MEMO1: variants seen among roughly 807,000 people sequenced by gnomAD.
The protein encoded by MEMO1 is mediator of cell motility 1, also known as protein MEMO1.
A neutral mutation model predicts 45.2 loss-of-function variants in MEMO1; 6 were observed. That is an observed-to-expected ratio of 0.13 (90% CI 0.07 to 0.26). The LOEUF (loss-of-function observed/expected upper bound fraction) is 0.26. MEMO1 is among the 10% of genes least tolerant of loss of function. The pLI, the probability that MEMO1 is intolerant of heterozygous loss-of-function variation, is 1.00. For synonymous variants in MEMO1, 78 were observed against 124.3 expected (o/e 0.63, Z 2.48); for missense variants, 184 against 370.5 (o/e 0.50, Z 4.13).
intron 6 of MEMO1, among the ~76,000 whole-genome samples, chr2:31,907,777 C>T (rs1464116916): frequency 7.4e-6 from 1 of 134,282 alleles, no homozygotes; most frequent in East Asian, 2.1e-4. Context: ...GGAGCAAGAC[C>T]GTGTCTTAAA....
chr2:31,900,685 A>T (rs974378696), intron 6 of MEMO1, among the ~76,000 whole-genome samples: 16 of 144,172 alleles, frequency 1.1e-4, no homozygotes, highest in South Asian at 2.4e-4. Context: ...ACAATAATTT[A>T]AAAAAAAAAA....
At chr2:31,957,191 G>C (rs1413149714) in intron 2 of MEMO1, among the ~76,000 whole-genome samples, 1 of 150,298 alleles carries the variant, frequency 6.7e-6, no homozygotes. Context: ...ATCCTGAAAA[G>C]GGAACAAAGA....
rs1037036180 is a variant in MEMO1 at position 32,010,999 on chromosome 2, G to A, written c.-75C>T. 4 of 152,300 alleles carry A rather than the reference G, an allele frequency of 2.6e-5. No individual in the cohort carries two copies. Among genetic ancestry groups the A allele is most frequent in the African/African-American group, 7.2e-5 (3 of 41,462 alleles). 9.4% of individuals were successfully genotyped at this position (152,300 alleles called of 1,614,324 possible). ...TGCCCAGCACCGCTGCCTACCCGCC[G>A]AGGAATCTCAACGTGCACGCTCCGC... On this transcript the variant is annotated 5_prime_UTR_variant, in exon 1 of 10. Transcript: ENST00000404530.
At chr2:31,913,294 G>C (rs565238490) in intron 6 of MEMO1, among the ~76,000 whole-genome samples, 14 of 135,238 alleles carry the variant, frequency 1.0e-4, no homozygotes, top group Non-Finnish European at 1.9e-4. Context: ...TAATACCTTA[G>C]ACATCTATTT....
At chr2:31,874,083 AG>A (rs1159246234) in intron 8 of MEMO1, among the ~76,000 whole-genome samples, 1 of 152,162 alleles carries the variant, frequency 6.6e-6, no homozygotes, top group African/African-American at 2.4e-5. Context: ...TAAAAGAAAA[AG>A]AAGTTATAAC....
At chr2:31,905,148 C>T (rs945176808) in intron 6 of MEMO1, among the ~76,000 whole-genome samples, 2 of 152,022 alleles carry the variant, frequency 1.3e-5, no homozygotes, top group African/African-American at 2.4e-5. Flanking sequence ...GTGGGAGGAT[C>T]GCTTGAGCCT....
intron 2 of MEMO1, among the ~76,000 whole-genome samples, chr2:31,966,620 C>T (rs1668642028): frequency 1.3e-5 from 2 of 151,160 alleles, no homozygotes; most frequent in Admixed American, 1.3e-4. Context: ...GTCCCAGCTA[C>T]TTGGAAGGCT....
intron 2 of MEMO1, among the ~76,000 whole-genome samples, chr2:32,009,509 C>T (rs1027497271): frequency 6.6e-6 from 1 of 152,196 alleles, no homozygotes; most frequent in Non-Finnish European, 1.5e-5. Context: ...AAAGTGCTAC[C>T]CTTCACTCCC....
chr2:32,010,396 A>C (rs1480912246), intron 1 of MEMO1, 132 bp from the exon 2 acceptor site: 1 of 404,366 alleles, frequency 2.5e-6, no homozygotes, highest in African/African-American at 2.2e-5. Flanking sequence ...GCCCAGGAGG[A>C]GGAGGAAGAG....
intron 2 of MEMO1, among the ~76,000 whole-genome samples, chr2:31,952,691 CA>C (rs1666971479): frequency 6.6e-6 from 1 of 151,994 alleles, no homozygotes; most frequent in Non-Finnish European, 1.5e-5. Flanking sequence ...TTTTTAAGAT[CA>C]AAATATTTAT....
At chr2:31,988,945 G>A (rs751914335) in intron 2 of MEMO1, among the ~76,000 whole-genome samples, 1 of 152,158 alleles carries the variant, frequency 6.6e-6, no homozygotes, top group Admixed American at 6.5e-5. Flanking sequence ...GGTGGCTCAC[G>A]CCTGTAATCC....
intron 8 of MEMO1, among the ~76,000 whole-genome samples, chr2:31,876,530 T>C (rs780517561): frequency 2.0e-5 from 3 of 152,192 alleles, no homozygotes; most frequent in Non-Finnish European, 4.4e-5. Flanking sequence ...GTTTGCTTAC[T>C]GCTGTATCTC....
chr2:32,010,973 A>T lies in MEMO1; in HGVS notation c.-49T>A, dbSNP rs1674856719. ...CTCTAACGGGTCCTGCCCACTGAGC[A>T]TGCCCAGCACCGCTGCCTACCCGCC... On this transcript the variant is annotated 5_prime_UTR_variant, in exon 1 of 10. An upstream start codon of the reference 5' UTR is lost. Transcript: ENST00000404530. 2 of 152,352 alleles carry T rather than the reference A, an allele frequency of 1.3e-5. No individual in the cohort carries two copies. The highest frequency in any genetic ancestry group is 4.8e-5 in the African/African-American group (2 of 41,464). The allele number at this position is 152,352 out of a possible 1,614,324, so 9.4% of individuals were successfully genotyped here.
chr2:31,914,506 G>C (rs1257633496), intron 6 of MEMO1, among the ~76,000 whole-genome samples: 1 of 152,074 alleles, frequency 6.6e-6, no homozygotes, highest in African/African-American at 2.4e-5. Context: ...GGATTGTCTG[G>C]AACACTAAAG....
chr2:31,870,706 A>T (rs1055159882), intron 8 of MEMO1, among the ~76,000 whole-genome samples: 3 of 152,050 alleles, frequency 2.0e-5, no homozygotes, highest in Non-Finnish European at 4.4e-5. Context: ...CCTCCTGAGT[A>T]ACTGGGATTA....
At chr2:31,909,335 G>A (rs1402421376) in intron 6 of MEMO1, among the ~76,000 whole-genome samples, 1 of 152,160 alleles carries the variant, frequency 6.6e-6, no homozygotes, top group African/African-American at 2.4e-5. Flanking sequence ...GTTTGCAGGT[G>A]ACATGGTCTT....
intron 2 of MEMO1, among the ~76,000 whole-genome samples, chr2:31,974,801 TA>T (rs974795820): frequency 6.6e-6 from 1 of 151,108 alleles, no homozygotes; most frequent in African/African-American, 2.4e-5. Context: ...AAAAAATTGG[TA>T]GTGAAATCAT....
At chr2:31,949,948 C>A (rs908985456) in intron 2 of MEMO1, among the ~76,000 whole-genome samples, 2 of 151,894 alleles carry the variant, frequency 1.3e-5, no homozygotes, top group African/African-American at 4.8e-5. Context: ...TAAAAAGATA[C>A]CATCAATATT....
At chr2:31,895,929 G>GC (rs1321995281) in intron 6 of MEMO1, among the ~76,000 whole-genome samples, 4 of 135,212 alleles carry the variant, frequency 3.0e-5, no homozygotes, top group South Asian at 2.4e-4. Flanking sequence ...TGTAGGCTCC[G>GC]CCCCCCGGGG....
Sources: allele counts gnomAD v4.1 joint callset (sites outside exome capture counted in the v4.1 genomes callset), GRCh38; gene constraint gnomAD v4.1.1; transcripts MANE v1.5; gene names NCBI Gene and HGNC (gene_info 2026-07-23, HGNC 2026-07-21).